AP1S3: variants seen among roughly 807,000 people sequenced by gnomAD.
AP1S3 encodes adaptor related protein complex 1 subunit sigma 3, also known as AP-1 complex subunit sigma-3.
AP1S3 carries 10 observed loss-of-function variants against 20.9 expected under a neutral mutation model. The observed-to-expected ratio is 0.48, with a 90% CI of 0.29 to 0.81. The LOEUF is 0.81. Ranked by LOEUF, AP1S3 falls within the 30% of genes least tolerant of loss-of-function variation. The pLI is 0.08. For missense variants in AP1S3, 154 were observed against 183.8 expected (o/e 0.84, Z 0.94); for synonymous variants, 41 against 61.5 (o/e 0.67, Z 1.56).
intron 1 of AP1S3, among the ~76,000 whole-genome samples, chr2:223,798,243 C>T (rs773658903): frequency 3.3e-5 from 5 of 152,148 alleles, no homozygotes; most frequent in Non-Finnish European, 5.9e-5. Flanking sequence ...TCATGTCAGC[C>T]TTTTTCCTGA....
intron 4 of AP1S3, 57 bp downstream of exon 4, chr2:223,765,156 A>ACAC: frequency 1.0e-6 from 1 of 999,170 alleles, no homozygotes. Flanking sequence ...ATAATTATTA[A>ACAC]CACCATCATC....
At chr2:223,789,519 GATGGAAAATTA>G (rs1016331793) in intron 1 of AP1S3, among the ~76,000 whole-genome samples, 3 of 152,006 alleles carry the variant, frequency 2.0e-5, no homozygotes, top group South Asian at 2.1e-4. Flanking sequence ...ATTTTTAATA[GATGGAAAATTA>G]ATGGAAAATA....
intron 1 of AP1S3, among the ~76,000 whole-genome samples, chr2:223,828,519 C>G (rs558885005): frequency 6.6e-6 from 1 of 152,162 alleles, no homozygotes; most frequent in East Asian, 1.9e-4. Context: ...TGGGTCCCCA[C>G]ATGGCCCACC....
chr2:223,770,455 G>C (rs1032948471), intron 3 of AP1S3: 1 of 1,377,016 alleles, frequency 7.3e-7, no homozygotes, highest in South Asian at 1.5e-5. Context: ...AGTTTCAAGG[G>C]ATAAGGGTAA....
chr2:223,776,678 T>G (rs1443987896), intron 2 of AP1S3, among the ~76,000 whole-genome samples: 2 of 152,126 alleles, frequency 1.3e-5, no homozygotes, highest in Non-Finnish European at 2.9e-5. Context: ...ATTACCTGGG[T>G]CTCCAAGGGC....
At chr2:223,790,388 T>A (rs1460212579) in intron 1 of AP1S3, among the ~76,000 whole-genome samples, 1 of 152,034 alleles carries the variant, frequency 6.6e-6, no homozygotes, top group African/African-American at 2.4e-5. Context: ...CCTGTCACCA[T>A]GCCTGGCTAA....
At chr2:223,762,423 C>T (rs1486210186) in intron 4 of AP1S3, among the ~76,000 whole-genome samples, 1 of 151,980 alleles carries the variant, frequency 6.6e-6, no homozygotes, top group Non-Finnish European at 1.5e-5. Context: ...CAGATGTGTA[C>T]CACCACACCT....
At chr2:223,789,369 C>A (rs1438501055) in intron 1 of AP1S3, among the ~76,000 whole-genome samples, 1 of 151,358 alleles carries the variant, frequency 6.6e-6, no homozygotes, top group Non-Finnish European at 1.5e-5. Flanking sequence ...ATAAACTGGA[C>A]CCCCCCCAAA....
intron 1 of AP1S3, among the ~76,000 whole-genome samples, chr2:223,809,683 A>C (rs1190392611): frequency 1.3e-5 from 2 of 151,856 alleles, no homozygotes; most frequent in African/African-American, 4.8e-5. Flanking sequence ...TTACTTAGTA[A>C]GGCCTACCCT....
chr2:223,768,182 A>G (rs574652797), intron 3 of AP1S3, among the ~76,000 whole-genome samples: 40 of 152,304 alleles, frequency 2.6e-4, no homozygotes, highest in African/African-American at 8.9e-4. Context: ...TCTGACACAC[A>G]TGCCACAAAC....
chr2:223,763,100 A>G (rs1443478080), intron 4 of AP1S3, among the ~76,000 whole-genome samples: 1 of 152,172 alleles, frequency 6.6e-6, no homozygotes, highest in Non-Finnish European at 1.5e-5. Context: ...AACACTAATA[A>G]CACTCTCTGT....
intron 1 of AP1S3, among the ~76,000 whole-genome samples, chr2:223,833,903 T>C (rs1692337494): frequency 6.6e-6 from 1 of 151,416 alleles, no homozygotes; most frequent in African/African-American, 2.4e-5. Flanking sequence ...TATTTATTTA[T>C]TTATTTATTT....
At chr2:223,792,792 A>G (rs1470200939) in intron 1 of AP1S3, among the ~76,000 whole-genome samples, 1 of 152,216 alleles carries the variant, frequency 6.6e-6, no homozygotes, top group Non-Finnish European at 1.5e-5. Context: ...CATCCTACAG[A>G]ATGAGAGAAA....
intron 1 of AP1S3, among the ~76,000 whole-genome samples, chr2:223,805,770 T>C (rs1463123914): frequency 6.6e-6 from 1 of 152,240 alleles, no homozygotes. Flanking sequence ...TTGGTTATTT[T>C]TTCCTTTTGC....
At chr2:223,788,677 C>G (rs561043432) in intron 1 of AP1S3, among the ~76,000 whole-genome samples, 4 of 149,194 alleles carry the variant, frequency 2.7e-5, no homozygotes, top group Non-Finnish European at 5.9e-5. Context: ...GGCAGGAGAA[C>G]TGCTTGAACC....
intron 1 of AP1S3, among the ~76,000 whole-genome samples, chr2:223,832,103 T>A (rs1692277179): frequency 6.8e-6 from 1 of 147,168 alleles, no homozygotes; most frequent in African/African-American, 2.5e-5. Flanking sequence ...AAAAAAGGAC[T>A]TATTCTGGGG....
intron 1 of AP1S3, among the ~76,000 whole-genome samples, chr2:223,788,549 C>A (rs572639989): frequency 6.8e-6 from 1 of 146,378 alleles, no homozygotes; most frequent in Non-Finnish European, 1.5e-5. Flanking sequence ...TTCAGGAGAT[C>A]GAGACCATCC....
chr2:223,790,302 G>T (rs186391492), intron 1 of AP1S3, among the ~76,000 whole-genome samples: 1 of 150,086 alleles, frequency 6.7e-6, no homozygotes, highest in Admixed American at 6.7e-5. Context: ...CATGATCTCA[G>T]CTCACTGCAA....
chr2:223,788,061 C>T (rs1034506179), intron 1 of AP1S3, among the ~76,000 whole-genome samples: 1 of 151,888 alleles, frequency 6.6e-6, no homozygotes, highest in Non-Finnish European at 1.5e-5. Flanking sequence ...CATGCTGTGC[C>T]TCAGCCTCCT....
Sources: gnomAD v4.1 joint callset for allele counts (sites outside exome capture counted in the v4.1 genomes callset) on GRCh38, gnomAD v4.1.1 for gene constraint, MANE v1.5 for transcripts, NCBI Gene and HGNC (gene_info 2026-07-23, HGNC 2026-07-21) for gene names.